Variants in SEM1 observed in about 807,000 individuals in gnomAD.
The protein encoded by SEM1 is SEM1 26S proteasome subunit.
In SEM1, 3 loss-of-function variants were observed where a neutral mutation model predicts 12.7. The observed-to-expected ratio is 0.24, with a 90% CI of 0.11 to 0.61. The LOEUF (loss-of-function observed/expected upper bound fraction) is 0.61, where lower values mean the gene tolerates loss of function less well. SEM1 is among the 20% of genes least tolerant of loss of function. The pLI is 0.88. For synonymous variants in SEM1, 30 were observed against 27.8 expected, an observed-to-expected ratio of 1.08 and a Z score of -0.25; for missense variants, 59 against 81.3, an observed-to-expected ratio of 0.73 and a Z score of 1.06.
At chr7:96,570,813 C>T (rs1373410955) in intron 2 of SEM1, among the ~76,000 whole-genome samples, 1 of 152,190 alleles carries the variant, frequency 6.6e-6, no homozygotes, top group Non-Finnish European at 1.5e-5. Context: ...TTTACACTCC[C>T]ACCAACAGTG....
chr7:96,637,815 T>A (rs1808475821), intron 2 of SEM1, among the ~76,000 whole-genome samples: 1 of 152,000 alleles, frequency 6.6e-6, no homozygotes, highest in Admixed American at 6.6e-5. Context: ...CTTATTACCC[T>A]GGCTAATTCT....
chr7:96,524,923 C>T (rs188645512), intron 2 of SEM1, among the ~76,000 whole-genome samples: 34 of 152,136 alleles, frequency 2.2e-4, no homozygotes, highest in Admixed American at 2.0e-3. Flanking sequence ...TCAGTTTTTC[C>T]ATATCCATTT....
In SEM1 at chr7:96,556,559, C is replaced by T. The variant is rs539145520; in HGVS notation, c.171-49861G>A. 2.0e-3 allele frequency among the ~76,000 whole-genome samples: 299 copies of T among 152,088 alleles called. 3 individuals are homozygous for T. Among genetic ancestry groups the T allele is most frequent in the African/African-American group, 6.8e-3 (283 of 41,480 alleles). ...CTTCTAGGGTTTCTGCCGAGAAATC[C>T]GCTGTTAGTCTGATGGGCTTCCCTT... On this transcript the variant is annotated intron_variant and NMD_transcript_variant, in intron 2 of 3. Coordinates refer to the SEM1 transcript ENST00000466986.
At chr7:96,540,300 C>T (rs953203368) in intron 2 of SEM1, among the ~76,000 whole-genome samples, 8 of 151,586 alleles carry the variant, frequency 5.3e-5, no homozygotes, top group African/African-American at 1.7e-4. Context: ...AAGACAATGT[C>T]GGGTTCACAC....
At chr7:96,486,227 G>C in exon 2 of SEM1, 1 of 1,534,590 alleles carries the variant, frequency 6.5e-7, no homozygotes, top group Non-Finnish European at 8.7e-7. Context: ...TAACTCTGTT[G>C]TCGCTCTGGA....
chr7:96,515,606 G>A (rs547253170), intron 2 of SEM1, among the ~76,000 whole-genome samples: 25 of 152,256 alleles, frequency 1.6e-4, no homozygotes, highest in African/African-American at 6.0e-4. Flanking sequence ...ATTCACAATA[G>A]CAAAGACTTG....
At chr7:96,628,586 A>C (rs939757704) in intron 2 of SEM1, among the ~76,000 whole-genome samples, 1 of 152,120 alleles carries the variant, frequency 6.6e-6, no homozygotes, top group African/African-American at 2.4e-5. Flanking sequence ...TTTATATCTT[A>C]CTATACTGCC....
chr7:96,702,661 G>T (rs1016642803), intron 1 of SEM1, among the ~76,000 whole-genome samples: 9 of 152,122 alleles, frequency 5.9e-5, no homozygotes, highest in African/African-American at 2.2e-4. Context: ...CTGGAATACT[G>T]TATTTACATA....
chr7:96,484,944 C>A (rs745565359), intron 2 of SEM1: 6 of 746,632 alleles, frequency 8.0e-6, no homozygotes, highest in Non-Finnish European at 1.2e-5. Context: ...CCATATCCTA[C>A]AGTCAGCTGT....
chr7:96,574,674 T>C (rs967052723), intron 2 of SEM1, among the ~76,000 whole-genome samples: 1 of 152,208 alleles, frequency 6.6e-6, no homozygotes, highest in African/African-American at 2.4e-5. Context: ...TCATTCTTTT[T>C]TCTCTAATCT....
chr7:96,670,171 TAATA>T (rs1429211596), downstream of SEM1, among the ~76,000 whole-genome samples: 2 of 152,202 alleles, frequency 1.3e-5, no homozygotes, highest in East Asian at 3.8e-4. Context: ...ATTTTATTAC[TAATA>T]AATAACAAAA....
intron 2 of SEM1, among the ~76,000 whole-genome samples, chr7:96,617,106 G>A (rs896286420): frequency 1.3e-5 from 2 of 152,052 alleles, no homozygotes; most frequent in Admixed American, 6.5e-5. Context: ...AATTTGATAG[G>A]GATTGCATAG....
chr7:96,641,090 T>A (rs1166138140), intron 2 of SEM1, among the ~76,000 whole-genome samples: 1 of 151,732 alleles, frequency 6.6e-6, no homozygotes, highest in African/African-American at 2.4e-5. Flanking sequence ...AATTTTTCAA[T>A]TTTTTCAATA....
At chr7:96,515,466 G>C (rs1041191359) in intron 2 of SEM1, among the ~76,000 whole-genome samples, 42 of 152,134 alleles carry the variant, frequency 2.8e-4, no homozygotes, top group African/African-American at 9.7e-4. Flanking sequence ...AAGACAGTGT[G>C]GCAATTCCTC....
rs11438472 is a variant in SEM1 at position 96,508,993 on chromosome 7, C to CTT, written c.171-2297_171-2296dup. Among the ~76,000 whole-genome samples the CTT allele has an allele frequency of 7.3e-3, 1,037 of 142,868 alleles. 11 individuals carry two copies. Among genetic ancestry groups the CTT allele is most frequent in the East Asian group, 0.022 (105 of 4,820 alleles). The allele number at this position is 142,868 out of a possible 152,430, so 93.7% of individuals were successfully genotyped here. On this transcript the variant is annotated intron_variant and NMD_transcript_variant, in intron 2 of 3. Coordinates refer to the SEM1 transcript ENST00000466986. ...ACAATTTTTACTACAAGAAACACAA[C>CTT]TTTTTTTTTTTTTTTGACAGTCTTG...
chr7:96,530,393 C>T (rs573855133), intron 2 of SEM1, among the ~76,000 whole-genome samples: 5 of 152,032 alleles, frequency 3.3e-5, no homozygotes, highest in Non-Finnish European at 7.4e-5. Context: ...GAGGTCTCAT[C>T]TAGGGAACAT....
At chr7:96,625,785 A>G (rs1447811354) in intron 2 of SEM1, among the ~76,000 whole-genome samples, 1 of 152,216 alleles carries the variant, frequency 6.6e-6, no homozygotes, top group Non-Finnish European at 1.5e-5. Context: ...CTTTGGGTTT[A>G]CACGTGGTGT....
chr7:96,489,009 A>G (rs1365832215), intron 1 of SEM1, among the ~76,000 whole-genome samples: 1 of 152,064 alleles, frequency 6.6e-6, no homozygotes, highest in Non-Finnish European at 1.5e-5. Flanking sequence ...CTGGGTGGCT[A>G]TAGACCTGAA....
chr7:96,507,961 C>G (rs1364602642), intron 2 of SEM1, among the ~76,000 whole-genome samples: 1 of 152,120 alleles, frequency 6.6e-6, no homozygotes, highest in Non-Finnish European at 1.5e-5. Context: ...GTTTTCCATT[C>G]TGTTTCCTAG....
Sources: allele counts gnomAD v4.1 joint callset (sites outside exome capture counted in the v4.1 genomes callset), GRCh38; gene constraint gnomAD v4.1.1; transcripts MANE v1.5; gene names NCBI Gene and HGNC (gene_info 2026-07-23, HGNC 2026-07-21).